The following CDKN2B-AS1 variants were observed in gnomAD, a reference collection of about 807,000 sequenced individuals.
CDKN2B-AS1 encodes CDKN2B antisense RNA 1 (non-protein coding).
At chr9:22,023,565 C>A (rs1013207102) in intron 1 of CDKN2B-AS1, among the ~76,000 whole-genome samples, 2 of 151,732 alleles carry the variant, frequency 1.3e-5, no homozygotes, top group East Asian at 1.9e-4. Context: ...GAAACCCCAC[C>A]TCTACTAAAA....
At position 22,057,911 on chromosome 9, in the gene CDKN2B-AS1, T is replaced by A. The variant is rs146282966; in HGVS notation, n.438+1524T>A. Among the ~76,000 whole-genome samples, 627 of 151,172 alleles carry A rather than the reference T, an allele frequency of 4.1e-3. 8 individuals carry two copies. The highest frequency in any genetic ancestry group is 0.014 in the African/African-American group (593 of 41,080). On this transcript the variant is annotated intron_variant and non_coding_transcript_variant, in intron 4 of 4. Coordinates refer to ENST00000650946, the Ensembl canonical transcript of CDKN2B-AS1. ...CGGGTGGATCACCTGAGGTCAGGAGTTTGCAACCAGCCTTGCCAACATGGT... is the reference window on the plus strand; with the variant it reads ...CGGGTGGATCACCTGAGGTCAGGAGATTGCAACCAGCCTTGCCAACATGGT...
At chr9:22,107,777 C>T (rs1825699600) in intron 4 of CDKN2B-AS1, among the ~76,000 whole-genome samples, 1 of 152,086 alleles carries the variant, frequency 6.6e-6, no homozygotes, top group Admixed American at 6.5e-5. Context: ...CTTCAGGCAG[C>T]CAGGGGGAAT....
chr9:22,103,665 C>T (rs1420147121), intron 4 of CDKN2B-AS1, among the ~76,000 whole-genome samples: 2 of 152,078 alleles, frequency 1.3e-5, no homozygotes, highest in Admixed American at 1.3e-4. Flanking sequence ...AAGCATAGAG[C>T]CTATAATAAT....
Position 22,000,590 on chromosome 9 carries a change from T to C in CDKN2B-AS1, n.29+5429T>C, listed in dbSNP as rs1010385926. Among the ~76,000 whole-genome samples, 2 of 152,126 alleles carry C rather than the reference T, an allele frequency of 1.3e-5. No individual in the cohort carries two copies. Among genetic ancestry groups the C allele is most frequent in the African/African-American group, 2.4e-5 (1 of 41,452 alleles). On this transcript the variant is annotated intron_variant and non_coding_transcript_variant, in intron 1 of 4. Transcript: ENST00000650946. This position sits in a 1 kb window ranked among gnomAD's most constrained non-coding sequence, Gnocchi z 4.1. The stretch of plus-strand genomic sequence containing the variant: ...AGAGCTTAGAAACTCAGAACTCAGA[T>C]GGAATGAGGAGCCATGCCATATACA...
intron 4 of CDKN2B-AS1, among the ~76,000 whole-genome samples, chr9:22,068,212 A>G (rs1451559416): frequency 2.0e-5 from 3 of 152,186 alleles, no homozygotes; most frequent in Non-Finnish European, 4.4e-5. Flanking sequence ...ACAACTCCAC[A>G]TACATACATC....
At chr9:22,081,192 AC>A (rs1824681027) in intron 4 of CDKN2B-AS1, among the ~76,000 whole-genome samples, 1 of 151,858 alleles carries the variant, frequency 6.6e-6, no homozygotes, top group African/African-American at 2.4e-5. Flanking sequence ...ATTTTGTCAT[AC>A]AAGTTTTTAA....
chr9:22,106,914 C>G (rs1287604279), intron 4 of CDKN2B-AS1, among the ~76,000 whole-genome samples: 1 of 152,160 alleles, frequency 6.6e-6, no homozygotes, highest in East Asian at 1.9e-4. Context: ...TAAGATCAAA[C>G]AGGTTAAGAA....
exon 5 of CDKN2B-AS1, among the ~76,000 whole-genome samples, chr9:22,128,007 G>A (rs745887815): frequency 1.3e-5 from 2 of 152,062 alleles, no homozygotes; most frequent in African/African-American, 2.4e-5. Context: ...GTCTCATTCC[G>A]CTCATCTGGA....
chr9:22,099,393 G>A (rs1825402689), intron 4 of CDKN2B-AS1, among the ~76,000 whole-genome samples: 1 of 152,148 alleles, frequency 6.6e-6, no homozygotes, highest in Non-Finnish European at 1.5e-5. Flanking sequence ...AATTACTTTG[G>A]CAGGATAAGA....
chr9:22,105,967 A>G (rs1324266319), intron 4 of CDKN2B-AS1, among the ~76,000 whole-genome samples: 3 of 152,118 alleles, frequency 2.0e-5, no homozygotes, highest in African/African-American at 7.2e-5. Flanking sequence ...CCGGAGTGCA[A>G]TGGCACGATC....
At position 22,006,379 on chromosome 9, in the gene CDKN2B-AS1, G is replaced by C. The variant is rs977006315; in HGVS notation, n.29+11218G>C. On this transcript the variant is annotated intron_variant and non_coding_transcript_variant, in intron 1 of 4. Transcript: ENST00000650946. This position sits in a 1 kb window ranked among gnomAD's most constrained non-coding sequence, Gnocchi z 6.4. ...TTTTCACCCAGTGCAGAGGTGTTCA[G>C]GTCTCTGATGTCTGGTGTTTCTTCA... 1.2e-5 allele frequency: 15 copies of C among 1,218,288 alleles called. No homozygotes were observed. In the African/African-American group the frequency reaches 1.9e-4, roughly 16 times the overall value. The allele number at this position is 1,218,288 out of a possible 1,614,324, so 75.5% of individuals were successfully genotyped here.
chr9:22,067,914 T>C (rs1380993475), intron 4 of CDKN2B-AS1, among the ~76,000 whole-genome samples: 1 of 152,166 alleles, frequency 6.6e-6, no homozygotes, highest in East Asian at 1.9e-4. Context: ...AGATTGTCTT[T>C]CTCTCATTCT....
intron 4 of CDKN2B-AS1, among the ~76,000 whole-genome samples, chr9:22,106,801 C>G (rs1411869502): frequency 6.6e-6 from 1 of 152,044 alleles, no homozygotes; most frequent in Admixed American, 6.6e-5. Flanking sequence ...TTACTGAAAA[C>G]TAAATACAGT....
rs10965226 is a variant in CDKN2B-AS1, at chr9:22,073,171, G to T, written n.438+16784G>T. 9.1e-3 allele frequency among the ~76,000 whole-genome samples: 1,389 copies of T among 152,132 alleles called. 17 individuals are homozygous for T. Among genetic ancestry groups the T allele is most frequent in the African/African-American group, 0.031 (1,274 of 41,492 alleles). On this transcript the variant is annotated intron_variant and non_coding_transcript_variant, in intron 4 of 4. Coordinates refer to ENST00000650946, the Ensembl canonical transcript of CDKN2B-AS1. ...AAAGGGACCTAGGAAACCAATATTT[G>T]TCTAATGTTTCAGGCTAAAGAGTAA...
At chr9:22,074,110 A>T (rs887939329) in intron 4 of CDKN2B-AS1, among the ~76,000 whole-genome samples, 1 of 152,044 alleles carries the variant, frequency 6.6e-6, no homozygotes, top group African/African-American at 2.4e-5. Context: ...TGATCTGCTC[A>T]TCTTGGCCTC....
In CDKN2B-AS1 at chr9:22,013,589, C is replaced by T. The variant is rs1166025728; in HGVS notation, n.29+18428C>T. On this transcript the variant is annotated intron_variant and non_coding_transcript_variant, in intron 1 of 4. Coordinates refer to ENST00000650946, the Ensembl canonical transcript of CDKN2B-AS1. ...GCCTCATCCTCCAGAGTAGATGGGA[C>T]TACAGGTGTTGGCCACCATGACTGG... is the stretch of plus-strand genomic sequence containing the variant. Among the ~76,000 whole-genome samples the T allele has an allele frequency of 2.0e-5, 3 of 152,198 alleles. No individual in the cohort carries two copies. In the East Asian group the frequency reaches 5.8e-4, roughly 29 times the overall value.
intron 4 of CDKN2B-AS1, among the ~76,000 whole-genome samples, chr9:22,080,316 C>T (rs1173289848): frequency 2.0e-5 from 3 of 152,140 alleles, no homozygotes; most frequent in African/African-American, 7.2e-5. Context: ...AGAAATGTAC[C>T]GACCACTAGA....
At chr9:22,029,235 T>G (rs1822366461) in intron 1 of CDKN2B-AS1, among the ~76,000 whole-genome samples, 1 of 152,108 alleles carries the variant, frequency 6.6e-6, no homozygotes, top group Non-Finnish European at 1.5e-5. Context: ...AGGATATCAC[T>G]CCGTAGATTT....
At chr9:22,033,459 C>G (rs1329940126) in intron 1 of CDKN2B-AS1, among the ~76,000 whole-genome samples, 1 of 152,032 alleles carries the variant, frequency 6.6e-6, no homozygotes, top group African/African-American at 2.4e-5. Flanking sequence ...ATGAGTCACA[C>G]TATAAAAACT....
Sources: allele counts gnomAD v4.1 joint callset (sites outside exome capture counted in the v4.1 genomes callset), GRCh38; gene constraint gnomAD v4.1.1; non-coding constraint Gnocchi (gnomAD v3.1); transcripts MANE v1.5; gene names NCBI Gene and HGNC (gene_info 2026-07-23, HGNC 2026-07-21).